The following PRPSAP1 variants were observed in gnomAD, a reference collection of about 807,000 sequenced individuals.
PRPSAP1 encodes phosphoribosyl pyrophosphate synthase-associated protein 1.
Under a neutral mutation model 39.4 loss-of-function variants are expected in PRPSAP1, and 31 were observed. That is an observed-to-expected ratio of 0.79 (90% CI 0.59 to 1.06). PRPSAP1 has a LOEUF of 1.06. PRPSAP1 is among the 50% of genes least tolerant of loss of function. PRPSAP1 has a pLI of 0.00. For missense variants in PRPSAP1, 430 were observed against 511.6 expected (o/e 0.84, Z 1.54); for synonymous variants, 212 against 192.6 (o/e 1.10, Z -0.83).
chr17:76,319,711 C>T (rs1453007377), intron 7 of PRPSAP1, among the ~76,000 whole-genome samples: 1 of 151,944 alleles, frequency 6.6e-6, no homozygotes, highest in East Asian at 1.9e-4. Context: ...CCTTGGCCTC[C>T]CAAAGTGCTG....
rs1289881158 is a variant in PRPSAP1, at chr17:76,310,965, C to T, written c.*577G>A. ...AATTATTTTATTTGCAACTTCAGAGCCACTCAGATACCCAGAGGTGGGATG... is the reference window on the plus strand; with the variant it reads ...AATTATTTTATTTGCAACTTCAGAGTCACTCAGATACCCAGAGGTGGGATG... On this transcript the variant is annotated 3_prime_UTR_variant, in exon 10 of 10. Transcript: ENST00000446526. 6.6e-6 allele frequency: 1 copy of T among 152,178 alleles called. No individual in the cohort carries two copies. Among genetic ancestry groups the T allele is most frequent in the East Asian group, 1.9e-4 (1 of 5,206 alleles). 9.4% of individuals were successfully genotyped at this position (152,178 alleles called of 1,614,324 possible). A position where few individuals can be genotyped will look rare whatever the true frequency, so the allele number is the denominator to read the frequency against.
chr17:76,336,255 T>C (rs141025733), intron 3 of PRPSAP1, among the ~76,000 whole-genome samples: 1,758 of 151,962 alleles, frequency 0.012, 33 homozygotes, highest in African/African-American at 0.04. Flanking sequence ...CTAACCAACA[T>C]GGTGAAAGCC....
chr17:76,332,954 G>A (rs1467596331), intron 3 of PRPSAP1, among the ~76,000 whole-genome samples: 1 of 151,114 alleles, frequency 6.6e-6, no homozygotes, highest in Non-Finnish European at 1.5e-5. Flanking sequence ...GCAGTGGCGC[G>A]ATCTCAGCTC....
chr17:76,345,876 T>A, intron 2 of PRPSAP1: 1 of 410,010 alleles, frequency 2.4e-6, no homozygotes, highest in Non-Finnish European at 4.7e-6. Context: ...CTAAGGGAGA[T>A]GAGGCCAAGG....
At chr17:76,313,150 G>C (rs1300294583) in intron 8 of PRPSAP1, 134 bp from the exon 9 acceptor site, 1 of 1,195,380 alleles carries the variant, frequency 8.4e-7, no homozygotes, top group East Asian at 2.5e-5. Flanking sequence ...TGTGTGCCTG[G>C]GTCAAAGAAC....
At chr17:76,341,052 T>C (rs1017369728) in intron 3 of PRPSAP1, among the ~76,000 whole-genome samples, 1 of 151,958 alleles carries the variant, frequency 6.6e-6, no homozygotes, top group African/African-American at 2.4e-5. Context: ...CCCTGACTCA[T>C]AGATGATCCC....
At chr17:76,320,017 C>A (rs879670581) in intron 7 of PRPSAP1, among the ~76,000 whole-genome samples, 1 of 151,898 alleles carries the variant, frequency 6.6e-6, no homozygotes, top group African/African-American at 2.4e-5. Flanking sequence ...CATCTGTAAT[C>A]CCAGCACTTT....
intron 7 of PRPSAP1, among the ~76,000 whole-genome samples, chr17:76,323,952 C>T (rs545085081): frequency 9.2e-5 from 14 of 151,384 alleles, no homozygotes; most frequent in South Asian, 2.1e-4. Flanking sequence ...TCGAGACCAG[C>T]GTGGCTGACA....
intron 3 of PRPSAP1, among the ~76,000 whole-genome samples, chr17:76,334,118 T>G (rs1033891454): frequency 3.3e-5 from 5 of 152,190 alleles, no homozygotes; most frequent in African/African-American, 1.2e-4. Flanking sequence ...CAGTATTCAC[T>G]TCTCACATTA....
At chr17:76,319,706 G>A (rs142472261) in intron 7 of PRPSAP1, among the ~76,000 whole-genome samples, 1 of 151,716 alleles carries the variant, frequency 6.6e-6, no homozygotes, top group African/African-American at 2.4e-5. Context: ...GCCCTCCTTG[G>A]CCTCCCAAAG....
At chr17:76,349,180 T>A (rs1159167931) in intron 1 of PRPSAP1, among the ~76,000 whole-genome samples, 1 of 151,752 alleles carries the variant, frequency 6.6e-6, no homozygotes, top group Non-Finnish European at 1.5e-5. Context: ...GGAGCATGCC[T>A]GTAATCTCAG....
At chr17:76,317,547 T>G (rs892060442) in intron 7 of PRPSAP1, among the ~76,000 whole-genome samples, 1 of 152,056 alleles carries the variant, frequency 6.6e-6, no homozygotes, top group Non-Finnish European at 1.5e-5. Flanking sequence ...ATAAATTAGA[T>G]GAGTAAATAA....
chr17:76,311,360 A>C lies in PRPSAP1; in HGVS notation c.*182T>G, dbSNP rs1332362251. On this transcript the variant is annotated 3_prime_UTR_variant, in exon 10 of 10. Coordinates refer to ENST00000446526, the MANE Select transcript of PRPSAP1 (RefSeq NM_002766.3). The stretch of plus-strand genomic sequence containing the variant: ...CATGTAAGGCCATGTTATGATATTT[A>C]TCCATTAGCTCTGTCTTCTTCCTGA... 1.7e-6 allele frequency: 1 copy of C among 584,444 alleles called. No homozygotes were observed. Among genetic ancestry groups the C allele is most frequent in the Non-Finnish European group, 2.9e-6 (1 of 349,748 alleles). 36.2% of individuals were successfully genotyped at this position (584,444 alleles called of 1,614,324 possible).
intron 7 of PRPSAP1, among the ~76,000 whole-genome samples, chr17:76,320,952 G>A (rs1467825283): frequency 6.7e-6 from 1 of 149,538 alleles, no homozygotes; most frequent in Non-Finnish European, 1.5e-5. Context: ...CTAATTTTTT[G>A]TATTTTTTTT....
intron 7 of PRPSAP1, among the ~76,000 whole-genome samples, chr17:76,322,493 T>C (rs1218789526): frequency 6.6e-6 from 1 of 152,206 alleles, no homozygotes; most frequent in Non-Finnish European, 1.5e-5. Context: ...ACAACATCCA[T>C]TCTGCAGCCC....
intron 7 of PRPSAP1, among the ~76,000 whole-genome samples, chr17:76,325,047 CAG>C (rs1417121006): frequency 2.2e-5 from 3 of 136,782 alleles, no homozygotes; most frequent in Non-Finnish European, 4.6e-5. Flanking sequence ...GCCTGGACGA[CAG>C]AGAGAGACTC....
chr17:76,336,303 T>G (rs562137295), intron 3 of PRPSAP1, among the ~76,000 whole-genome samples: 6 of 152,042 alleles, frequency 3.9e-5, no homozygotes, highest in Admixed American at 2.6e-4. Flanking sequence ...CCGGGCATGG[T>G]TGCAGGTGCC....
rs940900551 is a variant in PRPSAP1 at position 76,312,899 on chromosome 17, G to A, written c.970C>T (p.Arg324Cys). 4 of 1,613,932 alleles carry A rather than the reference G, an allele frequency of 2.5e-6. No individual in the cohort carries two copies. The highest frequency in any genetic ancestry group is 2.5e-6 in the Non-Finnish European group (3 of 1,180,012). ...THGILSAEAP[R>C]LIEESSVDEV... ...TCTACGGAGGACTCCTCAATCAGGC[G>A]AGGGGCCTCTGCAGACAGGATGCCG... The change falls in exon 9 of 10, where the codon CGC becomes TGC. Residue 324 changes from arginine to cysteine, a missense_variant. By Grantham distance (180) the Arg-to-Cys change is radical. This residue lies in a region of PRPSAP1 where 278 missense variants were observed against 376.3 expected (regional missense o/e 0.74). Transcript: ENST00000446526.
chr17:76,336,732 CAAAAAAAAAAAA>C (rs57399038), intron 3 of PRPSAP1, among the ~76,000 whole-genome samples: 2 of 63,344 alleles, frequency 3.2e-5, no homozygotes, highest in Non-Finnish European at 6.0e-5. Context: ...AACTCCATCT[CAAAAAAAAAAAA>C]AAAAAAAAAA....
Sources: gnomAD v4.1 joint callset for allele counts (sites outside exome capture counted in the v4.1 genomes callset) on GRCh38, gnomAD v4.1.1 for gene constraint, gnomAD v4.1.1 regional missense constraint, MANE v1.5 for transcripts, NCBI Gene and HGNC (gene_info 2026-07-23, HGNC 2026-07-21) for gene names.